PCSK2: variants seen among roughly 807,000 people sequenced by gnomAD.
The protein encoded by PCSK2 is neuroendocrine convertase 2.
A neutral mutation model predicts 69.7 loss-of-function variants in PCSK2; 14 were observed. The observed-to-expected ratio is 0.20, with a 90% CI of 0.13 to 0.31. The LOEUF is 0.31. Among genes scored for constraint, PCSK2 ranks in the 10% least tolerant of loss-of-function variants. The pLI, the probability that PCSK2 is intolerant of heterozygous loss-of-function variation, is 1.00. For synonymous variants in PCSK2, 307 were observed against 320.7 expected (o/e 0.96, Z 0.46); for missense variants, 544 against 842.5 (o/e 0.65, Z 4.39).
chr20:17,440,349 G>T (rs1427515335), intron 8 of PCSK2, among the ~76,000 whole-genome samples: 2 of 152,170 alleles, frequency 1.3e-5, no homozygotes, highest in African/African-American at 4.8e-5. Context: ...ATCTAACCCT[G>T]AGATCCTAAG....
chr20:17,449,540 G>GTATGTATGTGTATA (rs1568655123), intron 8 of PCSK2, among the ~76,000 whole-genome samples: 1 of 40,690 alleles, frequency 2.5e-5, no homozygotes, highest in Non-Finnish European at 5.7e-5. Flanking sequence ...ATATATATAT[G>GTATGTATGTGTATA]TATATTTGAG....
At chr20:17,404,820 A>G (rs1267607142) in intron 5 of PCSK2, among the ~76,000 whole-genome samples, 1 of 152,232 alleles carries the variant, frequency 6.6e-6, no homozygotes, top group African/African-American at 2.4e-5. Flanking sequence ...CTTTCCGATA[A>G]AAGGCCACTT....
chr20:17,366,931 A>G (rs1448990391), intron 4 of PCSK2, among the ~76,000 whole-genome samples: 2 of 152,110 alleles, frequency 1.3e-5, no homozygotes, highest in Admixed American at 1.3e-4. Flanking sequence ...TTTCTCCTTA[A>G]CAGCTTCCAT....
intron 2 of PCSK2, among the ~76,000 whole-genome samples, chr20:17,272,909 A>T (rs1340604006): frequency 1.3e-5 from 2 of 152,166 alleles, no homozygotes; most frequent in African/African-American, 2.4e-5. Flanking sequence ...TTGCCATGGA[A>T]CAATCTAATT....
chr20:17,293,834 A>G lies in PCSK2; in HGVS notation c.282+33490A>G, dbSNP rs141164192. On this transcript the variant is annotated intron_variant, in intron 2 of 11. Transcript: ENST00000262545. ...TGTTCAGCCCAACAAATGAACTGGA[A>G]CCTTCGTGTTTTTCTGTGCTTCTTT... 5.9e-5 allele frequency among the ~76,000 whole-genome samples: 9 copies of G among 152,236 alleles called. No homozygotes were observed. The East Asian group carries it at 1.7e-3, about 29-fold the overall frequency.
intron 2 of PCSK2, among the ~76,000 whole-genome samples, chr20:17,279,124 C>G (rs1388430208): frequency 1.3e-5 from 2 of 152,158 alleles, no homozygotes; most frequent in African/African-American, 4.8e-5. Context: ...ATTCCTCTTT[C>G]CTGGAACCCC....
chr20:17,327,006 T>A (rs1484713469), intron 2 of PCSK2, among the ~76,000 whole-genome samples: 1 of 152,192 alleles, frequency 6.6e-6, no homozygotes, highest in Non-Finnish European at 1.5e-5. Flanking sequence ...AGTCTTCTCA[T>A]CCTCCCCCTT....
rs962477120 is a variant in PCSK2 at position 17,453,686 on chromosome 20, T to C, written c.886-56T>C. On this transcript the variant is annotated intron_variant, in intron 8 of 11. Transcript: ENST00000262545. The surrounding 1 kb of genome is among the most constrained non-coding windows in gnomAD (Gnocchi z 4.0). The stretch of plus-strand genomic sequence containing the variant: ...CAACCCCTGGGCTGGAGACCTCCCC[T>C]GCCCCCTCGCAGCCCAGGCTGTGGG... 1.3e-6 allele frequency: 2 copies of C among 1,597,402 alleles called. No individual in the cohort carries two copies. The highest frequency in any genetic ancestry group is 1.7e-6 in the Non-Finnish European group (2 of 1,173,284).
At chr20:17,337,572 C>T (rs986247103) in intron 2 of PCSK2, among the ~76,000 whole-genome samples, 1 of 152,004 alleles carries the variant, frequency 6.6e-6, no homozygotes. Flanking sequence ...GAAAACTCTG[C>T]CTTATCTTAC....
intron 1 of PCSK2, among the ~76,000 whole-genome samples, chr20:17,241,444 G>A (rs948919198): frequency 6.6e-6 from 1 of 152,210 alleles, no homozygotes; most frequent in Non-Finnish European, 1.5e-5. Flanking sequence ...AGTGTGGCAG[G>A]ATGGCCACAT....
intron 8 of PCSK2, among the ~76,000 whole-genome samples, chr20:17,451,984 TCTCGGCTCACTGCACCTCCCG>T (rs1403918947): frequency 7.3e-6 from 1 of 136,166 alleles, no homozygotes; most frequent in Non-Finnish European, 1.5e-5. Context: ...AGTGGCACAA[TCTCGGCTCACTGCACCTCCCG>T]AATAGCTGGG....
chr20:17,349,352 A>G (rs528740005), intron 2 of PCSK2, among the ~76,000 whole-genome samples: 1 of 152,352 alleles, frequency 6.6e-6, no homozygotes, highest in Non-Finnish European at 1.5e-5. Context: ...TGTGAGATGA[A>G]GGATACACAA....
intron 2 of PCSK2, among the ~76,000 whole-genome samples, chr20:17,261,748 T>C (rs780320221): frequency 6.6e-6 from 1 of 152,138 alleles, no homozygotes; most frequent in Non-Finnish European, 1.5e-5. Context: ...TGGGCACCAG[T>C]AGACAAAGAT....
At chr20:17,318,418 A>G (rs1426347626) in intron 2 of PCSK2, among the ~76,000 whole-genome samples, 7 of 152,248 alleles carry the variant, frequency 4.6e-5, no homozygotes, top group Admixed American at 6.5e-5. Flanking sequence ...CCCAAGTCCT[A>G]TATCCAAAAA....
intron 2 of PCSK2, among the ~76,000 whole-genome samples, chr20:17,356,044 ATG>A (rs2030185716): frequency 6.6e-6 from 1 of 152,138 alleles, no homozygotes; most frequent in Non-Finnish European, 1.5e-5. Flanking sequence ...GAGGATATAC[ATG>A]TGTGTGTGCA....
intron 2 of PCSK2, among the ~76,000 whole-genome samples, chr20:17,314,481 G>T (rs907768694): frequency 2.0e-5 from 3 of 152,196 alleles, no homozygotes; most frequent in African/African-American, 7.2e-5. Flanking sequence ...AGCTAACAGG[G>T]TATGGCCTGA....
chr20:17,390,790 C>T (rs1233412883), intron 5 of PCSK2, among the ~76,000 whole-genome samples: 1 of 151,620 alleles, frequency 6.6e-6, no homozygotes, highest in Non-Finnish European at 1.5e-5. Context: ...CTGCAATTTC[C>T]CTTCTCTCTC....
intron 11 of PCSK2, among the ~76,000 whole-genome samples, chr20:17,478,214 G>A (rs928983351): frequency 4.7e-4 from 71 of 152,160 alleles, no homozygotes; most frequent in Middle Eastern, 3.4e-3. Context: ...TTTTCCTCCC[G>A]TGTAAAACAA....
chr20:17,388,595 G>T (rs137986542), intron 5 of PCSK2, among the ~76,000 whole-genome samples: 1 of 152,072 alleles, frequency 6.6e-6, no homozygotes, highest in Non-Finnish European at 1.5e-5. Flanking sequence ...CAATCACTTA[G>T]CGCGGGCCTC....
Sources: gnomAD v4.1 joint callset for allele counts (sites outside exome capture counted in the v4.1 genomes callset) on GRCh38, gnomAD v4.1.1 for gene constraint, Gnocchi (gnomAD v3.1) non-coding constraint, MANE v1.5 for transcripts, NCBI Gene and HGNC (gene_info 2026-07-23, HGNC 2026-07-21) for gene names.